The following ABTB3 variants were observed in gnomAD, a reference collection of about 807,000 sequenced individuals.
ABTB3 encodes ankyrin repeat- and BTB/POZ domain-containing protein 3.
chr12:107,473,899 T>G, the ABTB3 span, among the ~76,000 whole-genome samples: 3 of 151,994 alleles, frequency 2.0e-5, no homozygotes, highest in African/African-American at 7.2e-5. Context: ...TCTCCCAGAT[T>G]CAAGTGATTC....
the ABTB3 span, among the ~76,000 whole-genome samples, chr12:107,432,428 C>T: frequency 6.6e-6 from 1 of 152,232 alleles, no homozygotes; most frequent in Non-Finnish European, 1.5e-5. Flanking sequence ...AACCAACCTC[C>T]CTTCTCTACC....
the ABTB3 span, among the ~76,000 whole-genome samples, chr12:107,328,307 T>A: frequency 2.6e-5 from 4 of 152,240 alleles, no homozygotes; most frequent in Admixed American, 2.6e-4. Context: ...GACTGCCTTA[T>A]AGAATACTTG....
the ABTB3 span, among the ~76,000 whole-genome samples, chr12:107,561,260 G>A: frequency 6.6e-6 from 1 of 152,074 alleles, no homozygotes; most frequent in Admixed American, 6.5e-5. Context: ...GATTCAGAAA[G>A]GAAACTAGTA....
the ABTB3 span, among the ~76,000 whole-genome samples, chr12:107,392,150 C>T: frequency 2.0e-5 from 3 of 152,222 alleles, no homozygotes; most frequent in Admixed American, 6.5e-5. Context: ...AACAAATGCC[C>T]ACCATGACAA....
At chr12:107,525,324 C>CAAAAAAAAGAAAAAAAAA in the ABTB3 span, among the ~76,000 whole-genome samples, 1 of 34,888 alleles carries the variant, frequency 2.9e-5, no homozygotes, top group Non-Finnish European at 6.0e-5. Context: ...AAGATCCTGT[C>CAAAAAAAAGAAAAAAAAA]AAAAAAAAAA....
chr12:107,319,676 C>T, the ABTB3 span: 11 of 1,536,272 alleles, frequency 7.2e-6, no homozygotes, highest in East Asian at 2.2e-4. Flanking sequence ...GAGCCTCTTC[C>T]GGGACATCTA....
chr12:107,403,516 A>G, the ABTB3 span, among the ~76,000 whole-genome samples: 1 of 152,166 alleles, frequency 6.6e-6, no homozygotes, highest in Non-Finnish European at 1.5e-5. Flanking sequence ...GCCTACAGAT[A>G]CCTAGTGATA....
the ABTB3 span, among the ~76,000 whole-genome samples, chr12:107,586,764 C>T: frequency 1.3e-5 from 2 of 152,130 alleles, no homozygotes; most frequent in Non-Finnish European, 2.9e-5. Context: ...GTATGGAGCA[C>T]CTGCTGTGTG....
chr12:107,420,991 A>G, the ABTB3 span, among the ~76,000 whole-genome samples: 2 of 152,160 alleles, frequency 1.3e-5, no homozygotes, highest in African/African-American at 4.8e-5. Context: ...TATCTCTTCT[A>G]CCAACTTTCT....
At chr12:107,521,486 G>A in the ABTB3 span, among the ~76,000 whole-genome samples, 2 of 152,082 alleles carry the variant, frequency 1.3e-5, no homozygotes, top group Non-Finnish European at 2.9e-5. Context: ...AAGAGGGTTT[G>A]CCAAGGTGCC....
At chr12:107,621,646 A>G in the ABTB3 span, among the ~76,000 whole-genome samples, 1 of 152,222 alleles carries the variant, frequency 6.6e-6, no homozygotes, top group Non-Finnish European at 1.5e-5. Flanking sequence ...ATGGATTTTC[A>G]TAAGATAGAC....
the ABTB3 span, among the ~76,000 whole-genome samples, chr12:107,335,612 A>C: frequency 6.6e-6 from 1 of 152,182 alleles, no homozygotes; most frequent in African/African-American, 2.4e-5. Context: ...TTTGAAGAGC[A>C]CTAGCCTGGG....
the ABTB3 span, among the ~76,000 whole-genome samples, chr12:107,428,060 G>A: frequency 6.6e-6 from 1 of 152,176 alleles, no homozygotes; most frequent in African/African-American, 2.4e-5. Context: ...CAAGCCACTT[G>A]CCGCCTCCCA....
chr12:107,350,074 G>A, the ABTB3 span, among the ~76,000 whole-genome samples: 1 of 152,176 alleles, frequency 6.6e-6, no homozygotes, highest in Non-Finnish European at 1.5e-5. Flanking sequence ...TAATCCAGGA[G>A]GCTGAACTCT....
chr12:107,353,355 G>C, the ABTB3 span, among the ~76,000 whole-genome samples: 2 of 152,158 alleles, frequency 1.3e-5, no homozygotes, highest in Non-Finnish European at 2.9e-5. Flanking sequence ...AAGACTGAGA[G>C]ATGCTCAAGG....
chr12:107,555,607 A>G, the ABTB3 span, among the ~76,000 whole-genome samples: 3 of 152,234 alleles, frequency 2.0e-5, no homozygotes, highest in Non-Finnish European at 4.4e-5. Flanking sequence ...ACAAAGACTA[A>G]GGAACCAGAG....
the ABTB3 span, among the ~76,000 whole-genome samples, chr12:107,620,812 C>T: frequency 1.3e-5 from 2 of 152,150 alleles, no homozygotes; most frequent in Non-Finnish European, 2.9e-5. Context: ...GCCAGCCTTT[C>T]GACTATTACA....
chr12:107,520,125 G>C, the ABTB3 span: 1 of 694,572 alleles, frequency 1.4e-6, no homozygotes. Context: ...AGCTGCCTTT[G>C]TGGGGAGAAC....
chr12:107,498,413 A>G, the ABTB3 span, among the ~76,000 whole-genome samples: 56 of 152,276 alleles, frequency 3.7e-4, no homozygotes, highest in East Asian at 0.01. Flanking sequence ...GAGGATATTC[A>G]TTTTCTGTGG....
Sources: gnomAD v4.1 joint callset for allele counts (sites outside exome capture counted in the v4.1 genomes callset) on GRCh38, gnomAD v4.1.1 for gene constraint, MANE v1.5 for transcripts, NCBI Gene and HGNC (gene_info 2026-07-23, HGNC 2026-07-21) for gene names.